ZNF45: variants seen among roughly 807,000 people sequenced by gnomAD.
ZNF45 encodes BRC1744.
In ZNF45, 4 loss-of-function variants were observed where a neutral mutation model predicts 12.0. The ratio of observed to expected loss-of-function variants is 0.33; its 90% confidence interval spans 0.16 to 0.76. The LOEUF (loss-of-function observed/expected upper bound fraction) is 0.76, where lower values mean the gene tolerates loss of function less well. Ranked by LOEUF, ZNF45 falls within the 30% of genes least tolerant of loss-of-function variation. ZNF45 has a pLI of 0.60. For synonymous variants in ZNF45, 272 were observed against 279.6 expected, an observed-to-expected ratio of 0.97 and a Z score of 0.27; for missense variants, 700 against 813.0, an observed-to-expected ratio of 0.86 and a Z score of 1.69.
Position 43,920,329 on chromosome 19 carries a change from C to G in ZNF45, c.16-630G>C, listed in dbSNP as rs972337395. ...TTTTAGCATATACGTTGTTGTTCAC[C>G]TACATTTTGCTGGTGTTTTATAGCT... On this transcript the variant is annotated intron_variant, in intron 7 of 9. Transcript: ENST00000269973. 1.3e-4 allele frequency among the ~76,000 whole-genome samples: 20 copies of G among 151,742 alleles called. 1 individual carries two copies. The highest frequency in any genetic ancestry group is 1.3e-3 in the South Asian group (6 of 4,800).
chr19:43,933,408 C>G (rs990984116), intron 2 of ZNF45, among the ~76,000 whole-genome samples: 5 of 151,946 alleles, frequency 3.3e-5, no homozygotes, highest in Admixed American at 2.6e-4. Context: ...GAGCTGAGAT[C>G]GTACCACTGC....
chr19:43,927,873 G>T (rs546484447), intron 3 of ZNF45, among the ~76,000 whole-genome samples: 17 of 151,924 alleles, frequency 1.1e-4, no homozygotes, highest in Non-Finnish European at 1.5e-5. Flanking sequence ...AATACTAGGC[G>T]GCCATAAAAA....
At position 43,919,609 on chromosome 19, in the gene ZNF45, C is replaced by T; in HGVS notation, c.106G>A (p.Val36Met). Residue 36 changes from valine (V) to methionine (M), a missense_variant, in exon 8 of 10, where the codon GTG becomes ATG. Coordinates refer to ENST00000269973, the MANE Select transcript of ZNF45 (RefSeq NM_003425.4). ...ACATTCCTGAAGTTCTCCAGCATCA[C>T]ATCTCGGTACAGCTTCCTCTGGGCA... The part of the protein sequence containing the change: ...DLAQRKLYRD[V>M]MLENFRNVVS... 1 of 1,613,116 alleles carries T rather than the reference C, an allele frequency of 6.2e-7. No individual in the cohort carries two copies. The highest frequency in any genetic ancestry group is 8.5e-7 in the Non-Finnish European group (1 of 1,179,364).
At chr19:43,924,665 T>C (rs1472171232) in intron 4 of ZNF45, 104 bp from the exon 5 acceptor site, 1 of 152,220 alleles carries the variant, frequency 6.6e-6, no homozygotes, top group South Asian at 2.1e-4. Flanking sequence ...GAGATTGGAC[T>C]CTGAAGCCAA....
At chr19:43,923,931 C>T (rs983082418) in intron 6 of ZNF45, among the ~76,000 whole-genome samples, 1 of 146,782 alleles carries the variant, frequency 6.8e-6, no homozygotes, top group African/African-American at 2.5e-5. Context: ...GAGTTCAAGA[C>T]CAACCTGGCC....
At chr19:43,923,284 T>C (rs1013895965) in intron 6 of ZNF45, among the ~76,000 whole-genome samples, 7 of 152,226 alleles carry the variant, frequency 4.6e-5, no homozygotes, top group African/African-American at 1.7e-4. Context: ...TTTTGCTTTC[T>C]GTGGTTTCAG....
At chr19:43,916,126 G>A (rs1351907150) in intron 9 of ZNF45, among the ~76,000 whole-genome samples, 1 of 151,548 alleles carries the variant, frequency 6.6e-6, no homozygotes, top group East Asian at 1.9e-4. Flanking sequence ...CCTTCTTTTT[G>A]TTTTTTTGAG....
intron 3 of ZNF45, among the ~76,000 whole-genome samples, chr19:43,927,327 G>C (rs1489895141): frequency 6.6e-6 from 1 of 152,146 alleles, no homozygotes; most frequent in East Asian, 1.9e-4. Context: ...CCAAAGATTT[G>C]CAGAATGACT....
At chr19:43,932,043 A>T (rs1210252829) in intron 3 of ZNF45, among the ~76,000 whole-genome samples, 1 of 152,210 alleles carries the variant, frequency 6.6e-6, no homozygotes, top group East Asian at 1.9e-4. Context: ...CATGTGATAA[A>T]TATTAAACCT....
chr19:43,920,599 G>GTTTT (rs61470860), intron 7 of ZNF45, among the ~76,000 whole-genome samples: 10 of 76,084 alleles, frequency 1.3e-4, no homozygotes, highest in African/African-American at 2.0e-4. Flanking sequence ...TATCGTATTG[G>GTTTT]TTTTTTTTTT....
chr19:43,922,833 T>TG (rs1568457757), intron 6 of ZNF45, among the ~76,000 whole-genome samples: 2 of 143,408 alleles, frequency 1.4e-5, no homozygotes, highest in Non-Finnish European at 3.1e-5. Flanking sequence ...TTTTTTTTTT[T>TG]TTTTTTTTTT....
At chr19:43,918,610 T>C (rs1378266241) in intron 9 of ZNF45, among the ~76,000 whole-genome samples, 1 of 152,128 alleles carries the variant, frequency 6.6e-6, no homozygotes, top group East Asian at 1.9e-4. Flanking sequence ...CCCCCAGAAA[T>C]GTCAGAAATA....
chr19:43,927,654 C>G (rs942036403), intron 3 of ZNF45, among the ~76,000 whole-genome samples: 8 of 152,112 alleles, frequency 5.3e-5, no homozygotes, highest in Admixed American at 2.0e-4. Context: ...AAAGATTTCT[C>G]TTATATTTGA....
At position 43,912,746 on chromosome 19, in the gene ZNF45, T is replaced by C. The variant is rs940746260; in HGVS notation, c.*641A>G. The C allele has an allele frequency of 1.3e-5, 2 of 152,212 alleles. No individual in the cohort carries two copies. Among genetic ancestry groups the C allele is most frequent in the African/African-American group, 4.8e-5 (2 of 41,460 alleles). The allele number at this position is 152,212 out of a possible 1,614,324, so 9.4% of individuals were successfully genotyped here. ...AAGCCATGAACTTGAGACTTGTGCA[T>C]GTTACTGCATGCAGATTACACCTCA... is the stretch of plus-strand genomic sequence containing the variant. On this transcript the variant is annotated 3_prime_UTR_variant, in exon 10 of 10. Transcript: ENST00000269973.
chr19:43,931,830 G>A (rs1974167144), intron 3 of ZNF45, among the ~76,000 whole-genome samples: 4 of 152,192 alleles, frequency 2.6e-5, no homozygotes. Flanking sequence ...TAGCTGCTGA[G>A]GTTTGATTCT....
intron 9 of ZNF45, among the ~76,000 whole-genome samples, chr19:43,917,885 TA>T (rs1268780724): frequency 1.3e-5 from 2 of 152,222 alleles, no homozygotes; most frequent in Non-Finnish European, 2.9e-5. Flanking sequence ...ATAATGTTTC[TA>T]ATTGAAAATG....
At chr19:43,930,927 T>C (rs1464963512) in intron 3 of ZNF45, among the ~76,000 whole-genome samples, 2 of 151,968 alleles carry the variant, frequency 1.3e-5, no homozygotes, top group Non-Finnish European at 2.9e-5. Context: ...CTTTTTTTCA[T>C]ACTAGATCTT....
intron 7 of ZNF45, among the ~76,000 whole-genome samples, chr19:43,920,551 T>G (rs913761950): frequency 2.8e-3 from 156 of 56,564 alleles, no homozygotes; most frequent in Non-Finnish European, 4.5e-3. Context: ...GGGGGGGCAG[T>G]GGGCGGTAAA....
chr19:43,931,887 T>G (rs1336179086), intron 3 of ZNF45, among the ~76,000 whole-genome samples: 1 of 152,214 alleles, frequency 6.6e-6, no homozygotes, highest in Non-Finnish European at 1.5e-5. Context: ...TACAGTTAAC[T>G]TGTGTGTGTT....
Sources: gnomAD v4.1 joint callset for allele counts (sites outside exome capture counted in the v4.1 genomes callset) on GRCh38, gnomAD v4.1.1 for gene constraint, MANE v1.5 for transcripts, NCBI Gene and HGNC (gene_info 2026-07-23, HGNC 2026-07-21) for gene names.